Variants in SEMA6D observed in about 807,000 individuals in gnomAD.
SEMA6D encodes the protein semaphorin-6D.
Under a neutral mutation model 106.6 loss-of-function variants are expected in SEMA6D, and 35 were observed. The ratio of observed to expected loss-of-function variants is 0.33; its 90% CI spans 0.25 to 0.44. SEMA6D has a LOEUF of 0.44. Ranked by LOEUF, SEMA6D falls within the 20% of genes least tolerant of loss-of-function variation. SEMA6D has a pLI of 1.00. For missense variants in SEMA6D, 1,185 were observed against 1,345.9 expected, an observed-to-expected ratio of 0.88 and a Z score of 1.87; for synonymous variants, 499 against 487.7, an observed-to-expected ratio of 1.02 and a Z score of -0.31.
intron 3 of SEMA6D, among the ~76,000 whole-genome samples, chr15:47,576,706 G>T (rs187939471): frequency 6.6e-6 from 1 of 152,086 alleles, no homozygotes; most frequent in Non-Finnish European, 1.5e-5. Flanking sequence ...CCTTGGACCC[G>T]GGCTAGGCAC....
At chr15:47,215,574 C>T (rs2030507527) in intron 1 of SEMA6D, among the ~76,000 whole-genome samples, 1 of 152,058 alleles carries the variant, frequency 6.6e-6, no homozygotes, top group South Asian at 2.1e-4. Flanking sequence ...TACAGGAATT[C>T]ATTCATAGCT....
intron 1 of SEMA6D, among the ~76,000 whole-genome samples, chr15:47,197,332 C>T (rs1391340336): frequency 6.6e-6 from 1 of 152,176 alleles, no homozygotes; most frequent in East Asian, 1.9e-4. Flanking sequence ...TAAGTTTTCA[C>T]AGGCAGTGAG....
chr15:47,388,356 A>G (rs187525248), intron 1 of SEMA6D, among the ~76,000 whole-genome samples: 2 of 152,270 alleles, frequency 1.3e-5, no homozygotes, highest in African/African-American at 4.8e-5. Context: ...AGTCGGCCAC[A>G]GTCCAAAAAT....
chr15:47,383,772 C>T (rs1049647632), intron 1 of SEMA6D, among the ~76,000 whole-genome samples: 2 of 152,164 alleles, frequency 1.3e-5, no homozygotes, highest in Admixed American at 6.5e-5. Flanking sequence ...ATTGACATAT[C>T]AAGGAATAAG....
intron 1 of SEMA6D, among the ~76,000 whole-genome samples, chr15:47,251,907 AT>A (rs994788645): frequency 8.3e-3 from 682 of 81,976 alleles, no homozygotes; most frequent in African/African-American, 0.028. Context: ...TTCTAATTGG[AT>A]TTTTTTTTTT....
At chr15:47,582,314 G>A (rs10519132) in intron 3 of SEMA6D, among the ~76,000 whole-genome samples, 24,545 of 152,162 alleles carry the variant, frequency 0.16, 2,534 homozygotes, top group South Asian at 0.28. Context: ...AGTGGATTAC[G>A]AGGCCACACC....
At chr15:47,644,276 G>A (rs2077541382) in intron 4 of SEMA6D, among the ~76,000 whole-genome samples, 1 of 152,148 alleles carries the variant, frequency 6.6e-6, no homozygotes, top group South Asian at 2.1e-4. Flanking sequence ...AGTGAAAATG[G>A]TATACAGATG....
intron 3 of SEMA6D, among the ~76,000 whole-genome samples, chr15:47,503,752 C>A (rs185908494): frequency 3.6e-4 from 55 of 152,088 alleles, no homozygotes; most frequent in African/African-American, 1.1e-3. Context: ...AGCTCAAGGC[C>A]TAGGCTGCGC....
intron 1 of SEMA6D, among the ~76,000 whole-genome samples, chr15:47,203,803 A>G (rs1387280031): frequency 6.6e-6 from 1 of 152,196 alleles, no homozygotes; most frequent in African/African-American, 2.4e-5. Context: ...TATTGAATGA[A>G]TCTAATTGTT....
At chr15:47,742,995 A>T (rs2080906384) in intron 1 of SEMA6D, among the ~76,000 whole-genome samples, 2 of 152,192 alleles carry the variant, frequency 1.3e-5, no homozygotes, top group Admixed American at 1.3e-4. Flanking sequence ...TCCTGTTTGC[A>T]TGTCTAAAGA....
chr15:47,286,120 G>T (rs1484052068), intron 1 of SEMA6D, among the ~76,000 whole-genome samples: 3 of 152,136 alleles, frequency 2.0e-5, no homozygotes, highest in African/African-American at 7.2e-5. Context: ...GACCTGTCTA[G>T]CCTTCATGGT....
intron 3 of SEMA6D, among the ~76,000 whole-genome samples, chr15:47,566,547 CAAAG>C (rs1201079448): frequency 1.3e-5 from 2 of 152,194 alleles, no homozygotes; most frequent in Admixed American, 6.5e-5. Flanking sequence ...CCCATAGTGA[CAAAG>C]AACATAGAGT....
intron 1 of SEMA6D, among the ~76,000 whole-genome samples, chr15:47,720,825 G>A (rs779576330): frequency 6.6e-6 from 1 of 152,194 alleles, no homozygotes; most frequent in African/African-American, 2.4e-5. Context: ...AGTGAAAAAT[G>A]CATCTGAAAT....
intron 4 of SEMA6D, among the ~76,000 whole-genome samples, chr15:47,607,959 C>G (rs1038833755): frequency 1.3e-5 from 2 of 152,184 alleles, no homozygotes; most frequent in Non-Finnish European, 2.9e-5. Flanking sequence ...CTTATCTTAT[C>G]CCTTTCAAAG....
At chr15:47,385,045 ATTT>A (rs374354563) in intron 1 of SEMA6D, among the ~76,000 whole-genome samples, 3,602 of 94,268 alleles carry the variant, frequency 0.038, 78 homozygotes, top group South Asian at 0.11. Context: ...CTGGACTGTA[ATTT>A]TTTTTTTTTT....
chr15:47,426,504 G>A (rs953067021), intron 2 of SEMA6D, among the ~76,000 whole-genome samples: 2 of 151,988 alleles, frequency 1.3e-5, no homozygotes, highest in Non-Finnish European at 2.9e-5. Context: ...GTGAGGATGC[G>A]GTCTTTATAT....
At chr15:47,625,313 A>T (rs551378290) in intron 4 of SEMA6D, among the ~76,000 whole-genome samples, 30 of 152,322 alleles carry the variant, frequency 2.0e-4, no homozygotes, top group African/African-American at 6.5e-4. Flanking sequence ...GTGATAAAAT[A>T]TTTAGACGAG....
At chr15:47,427,635 G>C (rs976618041) in intron 2 of SEMA6D, among the ~76,000 whole-genome samples, 3 of 152,062 alleles carry the variant, frequency 2.0e-5, no homozygotes, top group African/African-American at 7.2e-5. Flanking sequence ...TGTGACCTTG[G>C]GGATACCATT....
At chr15:47,367,712 ACACACACACACACAC>A (rs1567031202) in intron 1 of SEMA6D, among the ~76,000 whole-genome samples, 4 of 150,040 alleles carry the variant, frequency 2.7e-5, no homozygotes, top group African/African-American at 1.0e-4. Flanking sequence ...ACACACACAC[ACACACACACACACAC>A]AGAGAGAGAG....
Sources: allele counts gnomAD v4.1 joint callset (sites outside exome capture counted in the v4.1 genomes callset), GRCh38; gene constraint gnomAD v4.1.1; transcripts MANE v1.5; gene names NCBI Gene and HGNC (gene_info 2026-07-23, HGNC 2026-07-21).